The following PPARGC1A variants were observed in gnomAD, a reference collection of about 807,000 sequenced individuals.
The protein encoded by PPARGC1A is PPARG coactivator 1 alpha, also known as peroxisome proliferator-activated receptor gamma coactivator 1-alpha.
Under a neutral mutation model 88.7 loss-of-function variants are expected in PPARGC1A, and 25 were observed. That is an observed-to-expected ratio of 0.28 (90% CI 0.21 to 0.39). The LOEUF is 0.39. Ranked by LOEUF, PPARGC1A falls within the 10% of genes least tolerant of loss-of-function variation. PPARGC1A has a pLI of 1.00. For synonymous variants in PPARGC1A, 363 were observed against 355.6 expected (o/e 1.02, Z -0.24); for missense variants, 880 against 968.7 (o/e 0.91, Z 1.22).
At chr4:24,179,278 A>G in the PPARGC1A span, among the ~76,000 whole-genome samples, 3 of 152,170 alleles carry the variant, frequency 2.0e-5, no homozygotes, top group Admixed American at 6.5e-5. Context: ...TTGCAAAAGT[A>G]AAAAATAAAA....
At chr4:24,158,020 C>T in the PPARGC1A span, among the ~76,000 whole-genome samples, 1 of 152,170 alleles carries the variant, frequency 6.6e-6, no homozygotes, top group Non-Finnish European at 1.5e-5. Context: ...CTTAGGAATG[C>T]CGCCATGATC....
chr4:23,819,770 T>C (rs1305748247), intron 7 of PPARGC1A, among the ~76,000 whole-genome samples: 1 of 152,174 alleles, frequency 6.6e-6, no homozygotes, highest in Non-Finnish European at 1.5e-5. Flanking sequence ...TCGCCAAGCA[T>C]TGGAATGGGC....
chr4:24,287,595 AGC>A, the PPARGC1A span, among the ~76,000 whole-genome samples: 1 of 150,242 alleles, frequency 6.7e-6, no homozygotes, highest in African/African-American at 2.5e-5. Context: ...CAGAACCAAG[AGC>A]TCCCATTTCA....
rs558288991 is a variant in PPARGC1A, at chr4:23,792,711, A to T, written c.*3111T>A. ...AGGCAATGGCCCACGGTCTTCTAAAAATCCTACAGATCTATGCTGAAATTT... is the reference window on the plus strand; with the variant it reads ...AGGCAATGGCCCACGGTCTTCTAAATATCCTACAGATCTATGCTGAAATTT... On this transcript the variant is annotated 3_prime_UTR_variant, in exon 13 of 13. Coordinates refer to ENST00000264867, the MANE Select transcript of PPARGC1A (RefSeq NM_013261.5). The T allele has an allele frequency of 1.4e-3, 208 of 152,622 alleles. 2 individuals carry two copies. Among genetic ancestry groups the T allele is most frequent in the Non-Finnish European group, 8.5e-4 (58 of 67,990 alleles). The allele number at this position is 152,622 out of a possible 1,614,324, so 9.5% of individuals were successfully genotyped here. A position where few individuals can be genotyped will look rare whatever the true frequency, so the allele number is the denominator to read the frequency against.
chr4:24,033,607 C>T, the PPARGC1A span, among the ~76,000 whole-genome samples: 1 of 152,152 alleles, frequency 6.6e-6, no homozygotes, highest in African/African-American at 2.4e-5. Context: ...TTGTCTCTGA[C>T]ATAAGCCACC....
the PPARGC1A span, among the ~76,000 whole-genome samples, chr4:24,252,536 C>G: frequency 6.6e-6 from 1 of 152,220 alleles, no homozygotes; most frequent in African/African-American, 2.4e-5. Context: ...GGTTTCCAAA[C>G]TATTTCTTTT....
At chr4:24,091,063 C>G in the PPARGC1A span, among the ~76,000 whole-genome samples, 4 of 152,164 alleles carry the variant, frequency 2.6e-5, no homozygotes, top group East Asian at 1.9e-4. Context: ...AAACCAAGCC[C>G]CTATTCTAAG....
intron 2 of PPARGC1A, among the ~76,000 whole-genome samples, chr4:23,848,293 C>G (rs1170735517): frequency 2.0e-5 from 3 of 152,164 alleles, no homozygotes. Context: ...CACAGCACCT[C>G]ACAGTAGCAA....
the PPARGC1A span, among the ~76,000 whole-genome samples, chr4:23,928,421 G>C: frequency 6.6e-6 from 1 of 152,154 alleles, no homozygotes; most frequent in Non-Finnish European, 1.5e-5. Context: ...AGTCAGAGTA[G>C]TGATTGTTAT....
chr4:24,383,709 A>C, the PPARGC1A span, among the ~76,000 whole-genome samples: 1 of 152,212 alleles, frequency 6.6e-6, no homozygotes, highest in Non-Finnish European at 1.5e-5. Context: ...CAAAGCCTCC[A>C]AGAAATATGG....
the PPARGC1A span, among the ~76,000 whole-genome samples, chr4:24,433,101 C>T: frequency 1.3e-5 from 2 of 152,272 alleles, no homozygotes; most frequent in Non-Finnish European, 1.5e-5. Context: ...CTTTTGTTAG[C>T]GGACTCCATA....
At chr4:24,052,534 G>A in the PPARGC1A span, among the ~76,000 whole-genome samples, 1 of 151,892 alleles carries the variant, frequency 6.6e-6, no homozygotes, top group South Asian at 2.1e-4. Flanking sequence ...CTACTTGACA[G>A]GCTGAGACAG....
chr4:23,858,486 C>T (rs899761451), intron 2 of PPARGC1A, among the ~76,000 whole-genome samples: 2 of 152,208 alleles, frequency 1.3e-5, no homozygotes, highest in Non-Finnish European at 2.9e-5. Context: ...CTACAGGGCC[C>T]AGTCTCCTAA....
the PPARGC1A span, among the ~76,000 whole-genome samples, chr4:24,225,579 A>G: frequency 6.6e-6 from 1 of 152,060 alleles, no homozygotes; most frequent in Non-Finnish European, 1.5e-5. Flanking sequence ...AAAAAAAAAA[A>G]AGAGTGACTA....
the PPARGC1A span, among the ~76,000 whole-genome samples, chr4:24,173,338 CA>C: frequency 0.16 from 18,897 of 117,374 alleles, 1,495 homozygotes; most frequent in African/African-American, 0.31. Flanking sequence ...CTTTCCCCAC[CA>C]AAAAAAAAAA....
chr4:24,031,057 G>A, the PPARGC1A span, among the ~76,000 whole-genome samples: 1 of 152,014 alleles, frequency 6.6e-6, no homozygotes, highest in Non-Finnish European at 1.5e-5. Context: ...CCTGGGAGAC[G>A]AAAAAGGGAT....
At chr4:23,877,579 G>T (rs1460382653) in intron 2 of PPARGC1A, 3 of 143,234 alleles carry the variant, frequency 2.1e-5, no homozygotes, top group African/African-American at 2.6e-5. Flanking sequence ...AAAGGAACCT[G>T]AGAGGTTAAG....
the PPARGC1A span, among the ~76,000 whole-genome samples, chr4:24,081,841 A>G: frequency 6.6e-6 from 1 of 151,784 alleles, no homozygotes; most frequent in Non-Finnish European, 1.5e-5. Context: ...TGTGTTTCTG[A>G]CCTAGGTTTT....
chr4:24,339,093 G>T, the PPARGC1A span, among the ~76,000 whole-genome samples: 4 of 151,532 alleles, frequency 2.6e-5, no homozygotes, highest in Admixed American at 6.6e-5. Flanking sequence ...TTTTCTGTCC[G>T]CATGAATTTG....
Sources: gnomAD v4.1 joint callset for allele counts (sites outside exome capture counted in the v4.1 genomes callset) on GRCh38, gnomAD v4.1.1 for gene constraint, MANE v1.5 for transcripts, NCBI Gene and HGNC (gene_info 2026-07-23, HGNC 2026-07-21) for gene names.